Variants in LIFR observed in about 807,000 individuals in gnomAD.
The protein encoded by LIFR is LIF receptor subunit alpha.
LIFR carries 84 observed loss-of-function variants against 122.2 expected under a neutral mutation model. The observed-to-expected ratio is 0.69, with a 90% confidence interval of 0.58 to 0.82. LIFR has a LOEUF of 0.82. Ranked by LOEUF, LIFR falls within the 40% of genes least tolerant of loss-of-function variation. LIFR has a pLI of 0.00. For synonymous variants in LIFR, 422 were observed against 434.7 expected (o/e 0.97, Z 0.36); for missense variants, 1,294 against 1,311.6 (o/e 0.99, Z 0.21).
intron 1 of LIFR, among the ~76,000 whole-genome samples, chr5:38,564,730 C>CT (rs1297853844): frequency 8.5e-6 from 1 of 117,062 alleles, no homozygotes; most frequent in African/African-American, 3.2e-5. Flanking sequence ...TATATACACA[C>CT]ACACTACACA....
At chr5:38,490,016 AAAAAAG>A (rs1312714988) in intron 15 of LIFR, among the ~76,000 whole-genome samples, 168 bp downstream of exon 15, 6 of 151,020 alleles carry the variant, frequency 4.0e-5, no homozygotes, top group African/African-American at 9.7e-5. Flanking sequence ...AAAAAAAAAA[AAAAAAG>A]AGGAGGAGGA....
At chr5:38,582,856 A>G (rs1749632047) in intron 1 of LIFR, among the ~76,000 whole-genome samples, 1 of 152,180 alleles carries the variant, frequency 6.6e-6, no homozygotes, top group Non-Finnish European at 1.5e-5. Flanking sequence ...CCACTTCCTC[A>G]GCACCCTTCA....
At chr5:38,519,292 C>T (rs1015069735) in intron 5 of LIFR, among the ~76,000 whole-genome samples, 11 of 152,142 alleles carry the variant, frequency 7.2e-5, no homozygotes, top group South Asian at 4.1e-4. Flanking sequence ...GCTCCATTCA[C>T]GGTAAGTGCC....
chr5:38,475,110 T>C lies in LIFR; in HGVS notation c.*6485A>G, dbSNP rs1257550537. 1.7e-5 allele frequency: 3 copies of C among 180,420 alleles called. No individual in the cohort carries two copies. The highest frequency in any genetic ancestry group is 7.0e-5 in the African/African-American group (3 of 42,602). The allele number at this position is 180,420 out of a possible 1,614,324, so 11.2% of individuals were successfully genotyped here. On this transcript the variant is annotated 3_prime_UTR_variant, in exon 20 of 20. Coordinates refer to ENST00000453190, the MANE Select transcript of LIFR (RefSeq NM_001127671.2). ...TTTTACATTTATGGTGTTTTAGTAA[T>C]AGATTATTTTCTATGTTTTTGCTAT...
At chr5:38,513,741 C>T (rs553840360) in intron 5 of LIFR, among the ~76,000 whole-genome samples, 5 of 152,252 alleles carry the variant, frequency 3.3e-5, no homozygotes, top group African/African-American at 4.8e-5. Flanking sequence ...ATAGCCCATC[C>T]TCATCACTCT....
chr5:38,523,655 T>C, intron 4 of LIFR, 73 bp from the exon 5 acceptor site: 1 of 1,157,540 alleles, frequency 8.6e-7, no homozygotes, highest in South Asian at 1.3e-5. Flanking sequence ...ACTCCACTAA[T>C]CAACTACTTA....
At chr5:38,554,091 G>A (rs1486682499) in intron 1 of LIFR, among the ~76,000 whole-genome samples, 1 of 152,086 alleles carries the variant, frequency 6.6e-6, no homozygotes, top group Non-Finnish European at 1.5e-5. Flanking sequence ...TTTAATCAAA[G>A]GTACAAGCTG....
chr5:38,606,471 G>A (rs960012785), intron 1 of LIFR, among the ~76,000 whole-genome samples: 4 of 152,112 alleles, frequency 2.6e-5, no homozygotes, highest in African/African-American at 9.7e-5. Context: ...CCCACCTCCA[G>A]CATTAGGGAT....
Position 38,586,180 on chromosome 5 carries a change from A to G in LIFR, c.-20+9081T>C, listed in dbSNP as rs559025837. 5.3e-5 allele frequency among the ~76,000 whole-genome samples: 8 copies of G among 152,092 alleles called. No homozygotes were observed. The East Asian group carries it at 1.5e-3, about 29-fold the overall frequency. Reference sequence around the variant, plus strand: ...GTTTCACTCTTGTCACCCGGGTGTCAATGAAAAGCCCCCATTTTAAAACAT... The same window carrying G: ...GTTTCACTCTTGTCACCCGGGTGTCGATGAAAAGCCCCCATTTTAAAACAT... On this transcript the variant is annotated intron_variant, in intron 1 of 19. Coordinates refer to the LIFR transcript ENST00000263409.
intron 1 of LIFR, among the ~76,000 whole-genome samples, chr5:38,582,596 G>A (rs947991379): frequency 2.6e-5 from 4 of 152,146 alleles, no homozygotes; most frequent in Non-Finnish European, 4.4e-5. Context: ...TTCACATCAA[G>A]TGATCTATTA....
chr5:38,478,055 TAAAA>T lies in LIFR; in HGVS notation c.*3536_*3539del, dbSNP rs1743806658. The T allele has an allele frequency of 4.8e-6, 1 of 209,164 alleles. No homozygotes were observed. Among genetic ancestry groups the T allele is most frequent in the African/African-American group, 2.3e-5 (1 of 44,006 alleles). The allele number at this position is 209,164 out of a possible 1,614,324, so 13.0% of individuals were successfully genotyped here. On this transcript the variant is annotated 3_prime_UTR_variant, in exon 20 of 20. Coordinates refer to ENST00000453190, the MANE Select transcript of LIFR (RefSeq NM_001127671.2). ...GGAGTATTTTACTTTCAAAATACCATAAAATTGATTTTAAATTCCCTTTGGAAGA... is the reference window on the plus strand; with the variant it reads ...GGAGTATTTTACTTTCAAAATACCATTTGATTTTAAATTCCCTTTGGAAGA...
chr5:38,516,228 A>G (rs554589241), intron 5 of LIFR, among the ~76,000 whole-genome samples: 2 of 152,296 alleles, frequency 1.3e-5, no homozygotes, highest in South Asian at 4.1e-4. Context: ...CTCACATTTC[A>G]GAGTGTCCCT....
chr5:38,548,039 T>G (rs1010208466), intron 1 of LIFR, among the ~76,000 whole-genome samples: 2 of 152,110 alleles, frequency 1.3e-5, no homozygotes, highest in African/African-American at 4.8e-5. Flanking sequence ...CTATAAATGC[T>G]TTATTGCCAC....
intron 18 of LIFR, among the ~76,000 whole-genome samples, chr5:38,484,560 ATAG>A (rs1488187616): frequency 8.5e-5 from 13 of 152,232 alleles, no homozygotes; most frequent in African/African-American, 1.7e-4. Flanking sequence ...ATTAGGAAAA[ATAG>A]TAGAAAAAAT....
At chr5:38,514,898 C>T (rs548808397) in intron 5 of LIFR, among the ~76,000 whole-genome samples, 33 of 152,232 alleles carry the variant, frequency 2.2e-4, no homozygotes, top group Middle Eastern at 3.4e-3. Context: ...TGTATGCTAA[C>T]GCTACCGAGC....
intron 18 of LIFR, among the ~76,000 whole-genome samples, chr5:38,483,381 C>CT (rs960934241): frequency 7.9e-5 from 12 of 151,668 alleles, no homozygotes; most frequent in African/African-American, 1.7e-4. Context: ...CTTATTTTGT[C>CT]TTTTTTTTCT....
upstream of LIFR, among the ~76,000 whole-genome samples, chr5:38,596,040 A>G (rs1245423694): frequency 6.6e-6 from 1 of 152,106 alleles, no homozygotes; most frequent in Non-Finnish European, 1.5e-5. Context: ...CCGGCCCACA[A>G]TAGGTAATCT....
chr5:38,524,446 G>T (rs532360723), intron 4 of LIFR, among the ~76,000 whole-genome samples: 1 of 152,142 alleles, frequency 6.6e-6, no homozygotes, highest in African/African-American at 2.4e-5. Flanking sequence ...AGCAATCCTG[G>T]CTAGAGTGAC....
chr5:38,490,263 A>C lies in LIFR; in HGVS notation c.2094T>G (p.Asn698Lys), dbSNP rs1465174100. The change falls in exon 15 of 20, where the codon AAT becomes AAG. Residue 698 changes from asparagine (N) to lysine (K), a missense_variant. Physicochemically the swap from Asn to Lys is moderately conservative, Grantham distance 94. Transcript: ENST00000453190. ...SDEFRPGIRY[N>K]FFLYGCRNQG... ...GATTTCTGCATCCATACAGGAAAAA[A>C]TTATATCTTATACCTGGTCGAAACT... 1.3e-6 allele frequency: 2 copies of C among 1,565,650 alleles called. No individual in the cohort carries two copies. Among genetic ancestry groups the C allele is most frequent in the African/African-American group, 2.7e-5 (2 of 73,980 alleles).
Sources: allele counts gnomAD v4.1 joint callset (sites outside exome capture counted in the v4.1 genomes callset), GRCh38; gene constraint gnomAD v4.1.1; transcripts MANE v1.5; gene names NCBI Gene and HGNC (gene_info 2026-07-23, HGNC 2026-07-21).